The following DIAPH3 variants were observed in gnomAD, a reference collection of about 807,000 sequenced individuals.
DIAPH3 encodes protein diaphanous homolog 3.
DIAPH3 carries 117 observed loss-of-function variants against 144.3 expected under a neutral mutation model. The ratio of observed to expected loss-of-function variants is 0.81; its 90% CI spans 0.70 to 0.95. The LOEUF is 0.95. Among genes scored for constraint, DIAPH3 ranks in the 40% least tolerant of loss-of-function variants. The pLI is 0.00. For missense variants in DIAPH3, 1,421 were observed against 1,412.7 expected (o/e 1.01, Z -0.09); for synonymous variants, 519 against 488.9 (o/e 1.06, Z -0.81).
intron 24 of DIAPH3, among the ~76,000 whole-genome samples, chr13:59,830,710 C>T (rs2041728532): frequency 6.6e-6 from 1 of 151,912 alleles, no homozygotes; most frequent in Admixed American, 6.6e-5. Flanking sequence ...ACTGCTACTG[C>T]TGTGTCCAAC....
chr13:60,010,688 A>T lies in DIAPH3; in HGVS notation c.772-19T>A, dbSNP rs1283449431. 1.2e-6 allele frequency: 2 copies of T among 1,610,902 alleles called. No homozygotes were observed. The highest frequency in any genetic ancestry group is 2.7e-5 in the African/African-American group (2 of 74,870). On this transcript the variant is annotated intron_variant, in intron 7 of 27. Transcript: ENST00000400324. ...AGCCATACTATAATATTTTGAAAATAAGAGGTCAAATGTTAGAAATTAGTT... is the reference window on the plus strand; with the variant it reads ...AGCCATACTATAATATTTTGAAAATTAGAGGTCAAATGTTAGAAATTAGTT...
At chr13:59,768,406 T>G (rs1289807537) in intron 27 of DIAPH3, among the ~76,000 whole-genome samples, 1 of 152,134 alleles carries the variant, frequency 6.6e-6, no homozygotes, top group Non-Finnish European at 1.5e-5. Flanking sequence ...TTGTCAACAT[T>G]TACTACTTCA....
At chr13:59,978,865 G>T (rs535613753) in intron 14 of DIAPH3, among the ~76,000 whole-genome samples, 7 of 151,790 alleles carry the variant, frequency 4.6e-5, no homozygotes, top group Admixed American at 4.6e-4. Flanking sequence ...ATTCTCTAGG[G>T]TGAATGTATT....
chr13:59,930,584 G>C (rs2047975605), intron 17 of DIAPH3, among the ~76,000 whole-genome samples: 1 of 152,058 alleles, frequency 6.6e-6, no homozygotes, highest in African/African-American at 2.4e-5. Context: ...AATAAGAACA[G>C]AAAATATTAA....
At chr13:59,716,578 A>G (rs540583127) in intron 27 of DIAPH3, among the ~76,000 whole-genome samples, 32 of 152,192 alleles carry the variant, frequency 2.1e-4, no homozygotes, top group African/African-American at 7.7e-4. Context: ...AATACACTAA[A>G]CCCTTCATAT....
intron 27 of DIAPH3, among the ~76,000 whole-genome samples, chr13:59,685,456 A>C (rs1163406494): frequency 6.6e-6 from 1 of 152,128 alleles, no homozygotes; most frequent in East Asian, 1.9e-4. Context: ...GTCTCAAAGA[A>C]GCAGGTATGT....
At chr13:59,832,911 C>A in intron 24 of DIAPH3, 196 bp downstream of exon 24, 1 of 555,454 alleles carries the variant, frequency 1.8e-6, no homozygotes, top group Non-Finnish European at 3.2e-6. Flanking sequence ...TGTCTGATTA[C>A]AGCTTAATGT....
chr13:59,866,043 A>G (rs1432957178), intron 21 of DIAPH3, among the ~76,000 whole-genome samples: 1 of 152,028 alleles, frequency 6.6e-6, no homozygotes, highest in African/African-American at 2.4e-5. Context: ...TGTGGACATT[A>G]GTGAACACCA....
chr13:59,860,774 G>A (rs2043530721), intron 22 of DIAPH3, among the ~76,000 whole-genome samples: 1 of 151,780 alleles, frequency 6.6e-6, no homozygotes, highest in Non-Finnish European at 1.5e-5. Context: ...AAAGAAAATT[G>A]AATTATTAAG....
chr13:59,793,914 T>C (rs752798880), intron 25 of DIAPH3, among the ~76,000 whole-genome samples: 12 of 152,184 alleles, frequency 7.9e-5, no homozygotes, highest in African/African-American at 2.4e-5. Context: ...AACCTGGATG[T>C]CCTAGAGATA....
At chr13:59,754,489 C>G (rs986732668) in intron 27 of DIAPH3, among the ~76,000 whole-genome samples, 1 of 152,190 alleles carries the variant, frequency 6.6e-6, no homozygotes, top group African/African-American at 2.4e-5. Context: ...TCCCTCCGCT[C>G]TACCATTTAG....
intron 27 of DIAPH3, among the ~76,000 whole-genome samples, chr13:59,731,043 C>T (rs1490588378): frequency 6.6e-6 from 1 of 152,174 alleles, no homozygotes; most frequent in African/African-American, 2.4e-5. Flanking sequence ...CAGATCTTTC[C>T]TGCCTCCTTG....
intron 5 of DIAPH3, among the ~76,000 whole-genome samples, chr13:60,042,297 C>A (rs9646034): frequency 1.3e-5 from 2 of 152,240 alleles, no homozygotes; most frequent in African/African-American, 4.8e-5. Context: ...ACAACGACAT[C>A]ATTTCCAACA....
chr13:59,869,083 G>C (rs1246255305), intron 21 of DIAPH3, among the ~76,000 whole-genome samples: 1 of 152,142 alleles, frequency 6.6e-6, no homozygotes, highest in African/African-American at 2.4e-5. Flanking sequence ...AAACACTTAG[G>C]AGTGTGATTA....
intron 4 of DIAPH3, among the ~76,000 whole-genome samples, chr13:60,049,799 T>C (rs2800297): frequency 0.56 from 85,743 of 152,104 alleles, 24,791 homozygotes; most frequent in African/African-American, 0.62. Context: ...TGGTACCATC[T>C]ACTTAGATGG....
chr13:59,824,468 G>C (rs1267439837), intron 24 of DIAPH3, among the ~76,000 whole-genome samples: 2 of 152,076 alleles, frequency 1.3e-5, no homozygotes, highest in East Asian at 3.8e-4. Flanking sequence ...CCACTAGAAC[G>C]GCAAACAGCA....
intron 21 of DIAPH3, among the ~76,000 whole-genome samples, chr13:59,871,336 G>T (rs1351230417): frequency 6.6e-6 from 1 of 152,092 alleles, no homozygotes; most frequent in African/African-American, 2.4e-5. Context: ...CAATGTTCAA[G>T]AGGAGTAGTG....
At chr13:59,842,121 C>A (rs1391631699) in intron 22 of DIAPH3, among the ~76,000 whole-genome samples, 1 of 152,086 alleles carries the variant, frequency 6.6e-6, no homozygotes, top group Non-Finnish European at 1.5e-5. Context: ...CACAAGCAAT[C>A]CATATTCCCT....
chr13:59,885,411 T>C (rs960682661), intron 20 of DIAPH3, among the ~76,000 whole-genome samples: 1 of 122,690 alleles, frequency 8.2e-6, no homozygotes, highest in Admixed American at 1.0e-4. Flanking sequence ...TTAATGAAAC[T>C]ATACGGTAAA....
Sources: allele counts gnomAD v4.1 joint callset (sites outside exome capture counted in the v4.1 genomes callset), GRCh38; gene constraint gnomAD v4.1.1; transcripts MANE v1.5; gene names NCBI Gene and HGNC (gene_info 2026-07-23, HGNC 2026-07-21).